AGBL1: variants seen among roughly 807,000 people sequenced by gnomAD.
AGBL1 encodes cytosolic carboxypeptidase 4.
AGBL1 carries 130 observed loss-of-function variants against 118.9 expected under a neutral mutation model. The observed-to-expected ratio is 1.09, with a 90% CI of 0.95 to 1.26. The LOEUF is 1.26. Ranked by LOEUF, AGBL1 falls within the 50% of genes most tolerant of loss-of-function variation. AGBL1 has a pLI of 0.00. For missense variants in AGBL1, 1,584 were observed against 1,298.1 expected (o/e 1.22, Z -3.38); for synonymous variants, 555 against 478.9 (o/e 1.16, Z -2.08).
chr15:86,712,693 G>A (rs764291489), intron 22 of AGBL1, among the ~76,000 whole-genome samples: 21 of 152,110 alleles, frequency 1.4e-4, no homozygotes, highest in Admixed American at 2.6e-4. Context: ...TATTAGTCCT[G>A]GGATACGGGC....
chr15:86,228,775 G>A (rs1339069876), intron 6 of AGBL1, among the ~76,000 whole-genome samples: 1 of 152,160 alleles, frequency 6.6e-6, no homozygotes, highest in Non-Finnish European at 1.5e-5. Flanking sequence ...GTTGGGAAAA[G>A]AAAAATGAAC....
At chr15:86,148,689 T>C (rs190339352) in intron 3 of AGBL1, among the ~76,000 whole-genome samples, 30 of 152,314 alleles carry the variant, frequency 2.0e-4, no homozygotes, top group Middle Eastern at 3.4e-3. Context: ...AGGAACCAAG[T>C]TGGAAACCAC....
At chr15:86,104,889 G>C (rs1896950209) in intron 1 of AGBL1, among the ~76,000 whole-genome samples, 2 of 152,086 alleles carry the variant, frequency 1.3e-5, no homozygotes, top group South Asian at 4.1e-4. Flanking sequence ...GGCCCACAAT[G>C]GTCAAGGGGC....
At chr15:86,428,031 C>G (rs1175685260) in intron 18 of AGBL1, among the ~76,000 whole-genome samples, 2 of 152,262 alleles carry the variant, frequency 1.3e-5, no homozygotes, top group South Asian at 2.1e-4. Context: ...GATGATGTAA[C>G]TGGGATTCAA....
rs754437366 is a variant in AGBL1 at position 86,267,019 on chromosome 15, T to C, written c.1781T>C (p.Leu594Ser). 1.9e-6 allele frequency: 3 copies of C among 1,571,704 alleles called. No homozygotes were observed. Among genetic ancestry groups the C allele is most frequent in the Non-Finnish European group, 2.6e-6 (3 of 1,156,986 alleles). ...TTGCAAGACAATGCTTCCAATTGTTTACGGTTCTTCTCCAAATTTGAGTCA... is the reference window on the plus strand; with the variant it reads ...TTGCAAGACAATGCTTCCAATTGTTCACGGTTCTTCTCCAAATTTGAGTCA... ...WPLQDNASNC[L>S]RFFSKFESGN... The change falls in exon 13 of 23, where the codon TTA becomes TCA. Residue 594 changes from leucine (L) to serine (S), a missense_variant. By Grantham distance (145) the Leu-to-Ser change is moderately radical. Transcript: ENST00000614907.
chr15:86,852,138 G>C (rs1239331008), intron 22 of AGBL1, among the ~76,000 whole-genome samples: 1 of 152,130 alleles, frequency 6.6e-6, no homozygotes, highest in African/African-American at 2.4e-5. Flanking sequence ...TTGGCTCACA[G>C]TTCCGCATGG....
chr15:86,297,389 C>T (rs1208955141), intron 17 of AGBL1, among the ~76,000 whole-genome samples: 2 of 152,178 alleles, frequency 1.3e-5, no homozygotes, highest in African/African-American at 4.8e-5. Context: ...GTCACCTATA[C>T]ATTTGCAGAG....
At chr15:86,543,030 T>C (rs1051839599) in intron 19 of AGBL1, among the ~76,000 whole-genome samples, 3 of 152,232 alleles carry the variant, frequency 2.0e-5, no homozygotes, top group African/African-American at 7.2e-5. Flanking sequence ...AGATTATTGA[T>C]ATGTTTGGGT....
In AGBL1 at chr15:86,569,049, C is replaced by T. The variant is rs1267862453; in HGVS notation, c.2994+14512C>T. On this transcript the variant is annotated intron_variant, in intron 21 of 22. Transcript: ENST00000614907. ...CTCCCATATTCTCTAATACCTTTCC[C>T]TTCTCAAAGTCTTGGAAAAGAGGAC... Among the ~76,000 whole-genome samples the T allele has an allele frequency of 2.0e-5, 3 of 151,782 alleles. No homozygotes were observed. In the East Asian group the frequency reaches 5.8e-4, roughly 29 times the overall value.
intron 23 of AGBL1, among the ~76,000 whole-genome samples, chr15:86,974,644 A>T (rs72757458): frequency 0.04 from 5,769 of 146,004 alleles, 147 homozygotes; most frequent in Middle Eastern, 0.072. Context: ...ACTTTTCTGC[A>T]AAAAAAGATG....
chr15:86,762,651 G>A (rs1326903587), intron 22 of AGBL1, among the ~76,000 whole-genome samples: 5 of 151,944 alleles, frequency 3.3e-5, no homozygotes, highest in African/African-American at 4.8e-5. Context: ...TAGGAAATGG[G>A]GGTCAGAAGG....
chr15:86,811,288 G>A (rs1436357131), intron 22 of AGBL1, among the ~76,000 whole-genome samples: 2 of 152,070 alleles, frequency 1.3e-5, no homozygotes, highest in Non-Finnish European at 2.9e-5. Context: ...ATATCACTCT[G>A]GTAAAATAAA....
At chr15:86,396,455 A>G (rs2081366158) in intron 17 of AGBL1, among the ~76,000 whole-genome samples, 1 of 152,058 alleles carries the variant, frequency 6.6e-6, no homozygotes, top group Non-Finnish European at 1.5e-5. Flanking sequence ...GTAACTGGGC[A>G]GAGAGTGTTT....
chr15:86,508,103 T>C (rs2083001882), intron 18 of AGBL1, among the ~76,000 whole-genome samples: 1 of 151,842 alleles, frequency 6.6e-6, no homozygotes, highest in Non-Finnish European at 1.5e-5. Context: ...TTTGTATTTT[T>C]AGTAGAGAAG....
At chr15:86,517,182 T>C (rs1376921117) in intron 18 of AGBL1, among the ~76,000 whole-genome samples, 1 of 152,230 alleles carries the variant, frequency 6.6e-6, no homozygotes, top group African/African-American at 2.4e-5. Flanking sequence ...TAAATATGTG[T>C]TCTAGTTCTG....
chr15:87,008,717 GA>G (rs1415654868), intron 24 of AGBL1, among the ~76,000 whole-genome samples: 1 of 152,172 alleles, frequency 6.6e-6, no homozygotes, highest in African/African-American at 2.4e-5. Flanking sequence ...TATGGACAAT[GA>G]AATCCAGGCT....
At chr15:86,678,249 A>G (rs538900243) in intron 22 of AGBL1, among the ~76,000 whole-genome samples, 4 of 152,120 alleles carry the variant, frequency 2.6e-5, no homozygotes, top group African/African-American at 7.2e-5. Flanking sequence ...TTTTTTACCT[A>G]TGGATAAATA....
intron 22 of AGBL1, among the ~76,000 whole-genome samples, chr15:86,690,609 C>A (rs1002395902): frequency 3.3e-5 from 5 of 152,092 alleles, no homozygotes; most frequent in African/African-American, 7.2e-5. Context: ...TATCTCGAAT[C>A]ATTAGGGTGA....
At chr15:86,268,252 C>T (rs576791686) in intron 13 of AGBL1, among the ~76,000 whole-genome samples, 23 of 151,890 alleles carry the variant, frequency 1.5e-4, no homozygotes, top group Non-Finnish European at 2.9e-4. Context: ...TCAAGGAAGC[C>T]CAACAAATAA....
Sources: allele counts gnomAD v4.1 joint callset (sites outside exome capture counted in the v4.1 genomes callset), GRCh38; gene constraint gnomAD v4.1.1; transcripts MANE v1.5; gene names NCBI Gene and HGNC (gene_info 2026-07-23, HGNC 2026-07-21).